ADGRE3: variants seen among roughly 807,000 people sequenced by gnomAD.
The protein encoded by ADGRE3 is EGF-like module receptor 3.
In ADGRE3, 88 loss-of-function variants were observed where a neutral mutation model predicts 80.1. That is an observed-to-expected ratio of 1.10 (90% confidence interval 0.93 to 1.31). The LOEUF (loss-of-function observed/expected upper bound fraction) is 1.31. Among genes scored for constraint, ADGRE3 ranks in the 40% most tolerant of loss-of-function variants. The pLI, the probability that ADGRE3 is intolerant of heterozygous loss-of-function variation, is 0.00. For synonymous variants in ADGRE3, 281 were observed against 294.8 expected (o/e 0.95, Z 0.48); for missense variants, 715 against 776.5 (o/e 0.92, Z 0.94).
At chr19:14,632,008 T>G (rs572116759) in intron 13 of ADGRE3, among the ~76,000 whole-genome samples, 1 of 152,316 alleles carries the variant, frequency 6.6e-6, no homozygotes, top group African/African-American at 2.4e-5. Flanking sequence ...CAAATTAAAA[T>G]GGATGCTGCA....
chr19:14,660,489 A>G (rs574837235), intron 4 of ADGRE3, among the ~76,000 whole-genome samples: 1 of 152,056 alleles, frequency 6.6e-6, no homozygotes, highest in Non-Finnish European at 1.5e-5. Flanking sequence ...TTAGCCAGGT[A>G]TGGTGGCTCA....
chr19:14,648,337 G>A (rs765578281), intron 7 of ADGRE3, among the ~76,000 whole-genome samples: 3 of 152,148 alleles, frequency 2.0e-5, no homozygotes, highest in Non-Finnish European at 4.4e-5. Flanking sequence ...TGTTTGGCCT[G>A]CACAGAGGAC....
intron 11 of ADGRE3, among the ~76,000 whole-genome samples, chr19:14,637,393 CTT>C (rs34233724): frequency 0.022 from 2,790 of 127,502 alleles, 31 homozygotes; most frequent in Non-Finnish European, 0.031. Context: ...TTTTTAAGCT[CTT>C]TTTTTTTTTT....
At position 14,641,625 on chromosome 19, in the gene ADGRE3, G is replaced by A. The variant is rs777326761; in HGVS notation, c.1051-9C>T. On this transcript the variant is annotated splice_polypyrimidine_tract_variant and intron_variant, in intron 9 of 15. Transcript: ENST00000253673. The stretch of plus-strand genomic sequence containing the variant: ...AGCACGGGATCCTCCTCCTGGGACC[G>A]AGAAAAAAAGTTCACAGTGATGCTT... 18 of 1,613,498 alleles carry A rather than the reference G, an allele frequency of 1.1e-5. No individual in the cohort carries two copies. The highest frequency in any genetic ancestry group is 1.6e-4 in the Middle Eastern group (1 of 6,082).
intron 15 of ADGRE3, among the ~76,000 whole-genome samples, chr19:14,620,537 T>TATATATATATATAA (rs1415988959): frequency 5.4e-5 from 1 of 18,450 alleles, no homozygotes; most frequent in Non-Finnish European, 8.9e-5. Context: ...TATATATATT[T>TATATATATATATAA]TATATATATA....
chr19:14,649,464 T>C (rs371376276), intron 7 of ADGRE3, among the ~76,000 whole-genome samples: 101 of 115,792 alleles, frequency 8.7e-4, no homozygotes, highest in African/African-American at 3.1e-3. Context: ...TTCCACCTTT[T>C]TCCCCATCTC....
At chr19:14,658,339 ATATAT>A (rs1971833572) in intron 5 of ADGRE3, 169 bp downstream of exon 5, 1 of 282,560 alleles carries the variant, frequency 3.5e-6, no homozygotes, top group Non-Finnish European at 6.5e-6. Context: ...TATGGTAATA[ATATAT>A]TATGTATTTA....
At chr19:14,609,630 G>T in the ADGRE3 span, among the ~76,000 whole-genome samples, 23 of 149,722 alleles carry the variant, frequency 1.5e-4, 1 homozygote, top group South Asian at 3.0e-3. Context: ...TTGAGGTCAG[G>T]AGTTCAAGAC....
chr19:14,626,313 T>C (rs1295593216), intron 14 of ADGRE3, among the ~76,000 whole-genome samples: 1 of 152,038 alleles, frequency 6.6e-6, no homozygotes, highest in Non-Finnish European at 1.5e-5. Flanking sequence ...GGCTCATGAC[T>C]GTAATCCCAG....
chr19:14,620,568 A>ATATATATATAT (rs1435435269), intron 15 of ADGRE3, among the ~76,000 whole-genome samples: 5 of 11,052 alleles, frequency 4.5e-4, no homozygotes, highest in Admixed American at 2.0e-3. Context: ...ATATATATAT[A>ATATATATATAT]TTTTTTTTTT....
chr19:14,642,235 G>A (rs1971274650), intron 9 of ADGRE3, among the ~76,000 whole-genome samples: 1 of 152,078 alleles, frequency 6.6e-6, no homozygotes, highest in Non-Finnish European at 1.5e-5. Context: ...TGATTTTTGG[G>A]CCATGGTGTC....
At chr19:14,659,560 C>T (rs1364463048) in intron 4 of ADGRE3, among the ~76,000 whole-genome samples, 1 of 151,990 alleles carries the variant, frequency 6.6e-6, no homozygotes, top group Non-Finnish European at 1.5e-5. Flanking sequence ...GAAGGGTGCA[C>T]CTGTAGTCCC....
the ADGRE3 span, among the ~76,000 whole-genome samples, chr19:14,606,549 G>A: frequency 6.6e-5 from 10 of 151,756 alleles, no homozygotes; most frequent in Non-Finnish European, 1.5e-4. Flanking sequence ...GCGTGGTGGC[G>A]GGTAGCTATA....
At position 14,638,104 on chromosome 19, in the gene ADGRE3, C is replaced by G. The variant is rs779793259; in HGVS notation, c.1484+1G>C. 5.6e-6 allele frequency: 9 copies of G among 1,610,692 alleles called. No homozygotes were observed. ...TGACACAAGGTGGGATTCAAGCTCACCGATCAGCAGTTCCATAAAGGTGAG... is the reference window on the plus strand; with the variant it reads ...TGACACAAGGTGGGATTCAAGCTCAGCGATCAGCAGTTCCATAAAGGTGAG... On this transcript the variant is annotated splice_donor_variant, in intron 11 of 15. Coordinates refer to ENST00000253673, the MANE Select transcript of ADGRE3 (RefSeq NM_032571.5). LOFTEE classifies it high-confidence loss of function.
At chr19:14,636,055 T>TTC (rs1555755752) in intron 11 of ADGRE3, among the ~76,000 whole-genome samples, 4 of 33,674 alleles carry the variant, frequency 1.2e-4, no homozygotes, top group Non-Finnish European at 2.3e-4. Context: ...CTTCCTTCCT[T>TTC]CCTTCCTTTC....
Position 14,647,095 on chromosome 19 carries a change from T to C in ADGRE3, c.882+86A>G. 2.7e-6 allele frequency: 3 copies of C among 1,103,664 alleles called. No homozygotes were observed. In the South Asian group the frequency reaches 4.1e-5, roughly 15 times the overall value. The allele number at this position is 1,103,664 out of a possible 1,614,324, so 68.4% of individuals were successfully genotyped here. The stretch of plus-strand genomic sequence containing the variant: ...TGACTACGACCCTGAACAGAGTGGG[T>C]CTAGAACCACAGCCTGGGATGATAC... On this transcript the variant is annotated intron_variant, in intron 8 of 15. Transcript: ENST00000253673.
chr19:14,620,447 T>C (rs1212488714), intron 15 of ADGRE3, among the ~76,000 whole-genome samples: 2 of 131,828 alleles, frequency 1.5e-5, no homozygotes, highest in African/African-American at 5.9e-5. Flanking sequence ...TGTATATTCA[T>C]GTATATATGA....
chr19:14,674,207 G>T (rs746751112), intron 1 of ADGRE3, among the ~76,000 whole-genome samples: 5 of 152,056 alleles, frequency 3.3e-5, no homozygotes, highest in Non-Finnish European at 5.9e-5. Context: ...GATGAACAAC[G>T]TATTAGAGAC....
intron 5 of ADGRE3, 58 bp from the exon 6 acceptor site, chr19:14,655,223 C>T: frequency 6.8e-7 from 1 of 1,467,486 alleles, no homozygotes; most frequent in Non-Finnish European, 9.3e-7. Flanking sequence ...AGTCCCATAT[C>T]CAAAAGAACA....
Sources: allele counts gnomAD v4.1 joint callset (sites outside exome capture counted in the v4.1 genomes callset), GRCh38; gene constraint gnomAD v4.1.1; transcripts MANE v1.5; gene names NCBI Gene and HGNC (gene_info 2026-07-23, HGNC 2026-07-21).